MAF: variants seen among roughly 807,000 people sequenced by gnomAD.
The protein encoded by MAF is MAF bZIP transcription factor.
Under a neutral mutation model 22.0 loss-of-function variants are expected in MAF, and 10 were observed. That is an observed-to-expected ratio of 0.45 (90% confidence interval 0.28 to 0.77). The LOEUF is 0.77. Among genes scored for constraint, MAF ranks in the 30% least tolerant of loss-of-function variants. The pLI, the probability that MAF is intolerant of heterozygous loss-of-function variation, is 0.12. For missense variants in MAF, 544 were observed against 548.4 expected (o/e 0.99, Z 0.08); for synonymous variants, 337 against 255.8 (o/e 1.32, Z -3.03).
the MAF span, among the ~76,000 whole-genome samples, chr16:79,480,311 C>G: frequency 3.5e-5 from 5 of 143,088 alleles, no homozygotes; most frequent in Non-Finnish European, 6.1e-5. Flanking sequence ...GAATTCTCAG[C>G]TGAGTTGAAA....
the MAF span, among the ~76,000 whole-genome samples, chr16:79,234,644 C>A: frequency 6.6e-6 from 1 of 152,246 alleles, no homozygotes; most frequent in Middle Eastern, 3.4e-3. Flanking sequence ...GAAATGCAAA[C>A]TGGCCAAGCC....
chr16:79,450,241 T>G, the MAF span, among the ~76,000 whole-genome samples: 2 of 152,206 alleles, frequency 1.3e-5, no homozygotes, highest in Non-Finnish European at 2.9e-5. Flanking sequence ...GTACAATTTA[T>G]AAAATTGTGA....
At chr16:79,416,621 G>A in the MAF span, among the ~76,000 whole-genome samples, 4 of 152,058 alleles carry the variant, frequency 2.6e-5, no homozygotes, top group African/African-American at 7.2e-5. Context: ...TACAGATGAA[G>A]AAATAGAAAG....
At chr16:79,525,915 G>C in the MAF span, among the ~76,000 whole-genome samples, 4 of 152,178 alleles carry the variant, frequency 2.6e-5, no homozygotes, top group Non-Finnish European at 5.9e-5. Flanking sequence ...ATAAGTCAAA[G>C]CCCTAGAGGC....
chr16:79,435,641 T>A, the MAF span, among the ~76,000 whole-genome samples: 1 of 152,208 alleles, frequency 6.6e-6, no homozygotes, highest in Non-Finnish European at 1.5e-5. Context: ...GTGGCAGTTT[T>A]AGTCCTCTTC....
At chr16:79,441,015 T>C in the MAF span, among the ~76,000 whole-genome samples, 1 of 152,176 alleles carries the variant, frequency 6.6e-6, no homozygotes, top group South Asian at 2.1e-4. Context: ...CTCTCACAAT[T>C]TGGGAGGAGG....
chr16:79,580,683 C>T, the MAF span, among the ~76,000 whole-genome samples: 1 of 152,092 alleles, frequency 6.6e-6, no homozygotes, highest in Non-Finnish European at 1.5e-5. Context: ...ATCACAAATT[C>T]TTTCTCCTCC....
the MAF span, among the ~76,000 whole-genome samples, chr16:79,540,341 G>A: frequency 2.0e-5 from 3 of 151,958 alleles, no homozygotes; most frequent in African/African-American, 7.3e-5. Flanking sequence ...CTTCCCTGAA[G>A]TCCCTGCGCT....
chr16:79,381,019 G>C, the MAF span, among the ~76,000 whole-genome samples: 1 of 152,262 alleles, frequency 6.6e-6, no homozygotes, highest in African/African-American at 2.4e-5. Context: ...CATCCTGGCA[G>C]TCCTTTGCCC....
chr16:79,506,589 C>T, the MAF span, among the ~76,000 whole-genome samples: 1 of 152,040 alleles, frequency 6.6e-6, no homozygotes, highest in Non-Finnish European at 1.5e-5. Flanking sequence ...AGTGTAGAAC[C>T]AAGAAGAGGG....
the MAF span, among the ~76,000 whole-genome samples, chr16:79,384,837 T>C: frequency 6.6e-6 from 1 of 152,222 alleles, no homozygotes; most frequent in East Asian, 1.9e-4. Flanking sequence ...GTTACACGAA[T>C]ACTGTCCTCC....
At chr16:79,458,227 T>C in the MAF span, among the ~76,000 whole-genome samples, 2 of 151,324 alleles carry the variant, frequency 1.3e-5, no homozygotes, top group Non-Finnish European at 2.9e-5. Context: ...CTAAAGCTTC[T>C]CAATTAGCTA....
the MAF span, among the ~76,000 whole-genome samples, chr16:79,474,512 G>A: frequency 6.6e-6 from 1 of 152,116 alleles, no homozygotes; most frequent in African/African-American, 2.4e-5. Flanking sequence ...GGTGCTTTCT[G>A]CCAAGCCCAG....
the MAF span, among the ~76,000 whole-genome samples, chr16:79,293,353 A>G: frequency 7.9e-5 from 12 of 152,352 alleles, no homozygotes; most frequent in African/African-American, 7.2e-5. Flanking sequence ...CAGTTCTACA[A>G]ACATTCTTGA....
At chr16:79,356,844 C>A in the MAF span, among the ~76,000 whole-genome samples, 1 of 152,178 alleles carries the variant, frequency 6.6e-6, no homozygotes, top group Non-Finnish European at 1.5e-5. Flanking sequence ...TCTTTTCCTC[C>A]CTTAAAAGGC....
the MAF span, among the ~76,000 whole-genome samples, chr16:79,488,567 G>C: frequency 1.3e-5 from 2 of 152,130 alleles, no homozygotes; most frequent in South Asian, 2.1e-4. Flanking sequence ...ATGCTATCTG[G>C]ATCACAGATG....
the MAF span, among the ~76,000 whole-genome samples, chr16:79,230,355 C>G: frequency 1.3e-5 from 2 of 152,128 alleles, no homozygotes; most frequent in Admixed American, 1.3e-4. Flanking sequence ...ATAGAGGGAA[C>G]TGAGCAAGAA....
chr16:79,525,313 G>C, the MAF span, among the ~76,000 whole-genome samples: 1 of 152,152 alleles, frequency 6.6e-6, no homozygotes, highest in Non-Finnish European at 1.5e-5. Context: ...GAGACCTTGA[G>C]AACAGTGAAT....
At chr16:79,400,972 C>T in the MAF span, among the ~76,000 whole-genome samples, 6 of 152,258 alleles carry the variant, frequency 3.9e-5, no homozygotes, top group Non-Finnish European at 8.8e-5. Flanking sequence ...AGGGCTCACA[C>T]ATACACAGGC....
Sources: gnomAD v4.1 joint callset for allele counts (sites outside exome capture counted in the v4.1 genomes callset) on GRCh38, gnomAD v4.1.1 for gene constraint, MANE v1.5 for transcripts, NCBI Gene and HGNC (gene_info 2026-07-23, HGNC 2026-07-21) for gene names.